The following MEMO1 variants were observed in gnomAD, a reference collection of about 807,000 sequenced individuals.
MEMO1 encodes the protein protein MEMO1.
MEMO1 carries 6 observed loss-of-function variants against 45.2 expected under a neutral mutation model. The observed-to-expected ratio is 0.13, with a 90% CI of 0.07 to 0.26. The LOEUF is 0.26. Ranked by LOEUF, MEMO1 falls within the 10% of genes least tolerant of loss-of-function variation. The pLI, the probability that MEMO1 is intolerant of heterozygous loss-of-function variation, is 1.00. For synonymous variants in MEMO1, 78 were observed against 124.3 expected, an observed-to-expected ratio of 0.63 and a Z score of 2.48; for missense variants, 184 against 370.5, an observed-to-expected ratio of 0.50 and a Z score of 4.13.
rs551440098 is a variant in MEMO1, at chr2:32,009,265, T to C, written c.61+922A>G. Among the ~76,000 whole-genome samples the C allele has an allele frequency of 2.2e-3, 339 of 152,214 alleles. 2 individuals carry two copies. Among genetic ancestry groups the C allele is most frequent in the African/African-American group, 7.9e-3 (330 of 41,532 alleles). On this transcript the variant is annotated intron_variant, in intron 2 of 9. Coordinates refer to ENST00000404530, the MANE Select transcript of MEMO1 (RefSeq NM_001301833.4). ...CACCTGCCTGGTGTAGGGCGACCAG[T>C]GACTGGGGCGACTGCTCGGGAAAAG...
At chr2:31,912,635 CA>C (rs574888728) in intron 6 of MEMO1, among the ~76,000 whole-genome samples, 16 of 149,570 alleles carry the variant, frequency 1.1e-4, no homozygotes, top group South Asian at 2.1e-4. Context: ...TTAATATATG[CA>C]AAAAAACAGA....
chr2:31,923,877 G>C (rs952429177), intron 4 of MEMO1: 2 of 1,055,260 alleles, frequency 1.9e-6, no homozygotes, highest in Admixed American at 7.0e-5. Context: ...CCAGAGGTCT[G>C]CTGGAAGCCT....
At chr2:32,000,734 C>A (rs1673196985) in intron 2 of MEMO1, among the ~76,000 whole-genome samples, 1 of 152,104 alleles carries the variant, frequency 6.6e-6, no homozygotes. Context: ...ATTCCCTATG[C>A]ACCAGCTGTG....
intron 2 of MEMO1, among the ~76,000 whole-genome samples, chr2:32,006,264 T>C (rs779569236): frequency 2.6e-5 from 4 of 152,184 alleles, no homozygotes; most frequent in Admixed American, 6.5e-5. Context: ...TTTAAAGGGA[T>C]AGGACTGGCA....
At chr2:31,958,659 C>T (rs571419455) in intron 2 of MEMO1, among the ~76,000 whole-genome samples, 2 of 152,102 alleles carry the variant, frequency 1.3e-5, no homozygotes, top group South Asian at 2.1e-4. Flanking sequence ...TGTTTTGTTT[C>T]ATTTTGTTTT....
intron 2 of MEMO1, among the ~76,000 whole-genome samples, chr2:31,983,640 G>A (rs1670925593): frequency 6.6e-6 from 1 of 152,086 alleles, no homozygotes. Flanking sequence ...CTCCATGTTG[G>A]TCAGGCTGGT....
intron 2 of MEMO1, among the ~76,000 whole-genome samples, chr2:31,974,461 T>C (rs1336772135): frequency 6.6e-6 from 1 of 152,130 alleles, no homozygotes; most frequent in African/African-American, 2.4e-5. Flanking sequence ...ATTAAAACAT[T>C]TGCGGCCGGG....
At chr2:31,969,273 A>C (rs1225012563) in intron 2 of MEMO1, among the ~76,000 whole-genome samples, 1 of 151,186 alleles carries the variant, frequency 6.6e-6, no homozygotes, top group Non-Finnish European at 1.5e-5. Context: ...CTATATATAT[A>C]TATATATCCT....
At chr2:31,940,253 G>A (rs1307121765) in intron 3 of MEMO1, among the ~76,000 whole-genome samples, 2 of 152,114 alleles carry the variant, frequency 1.3e-5, no homozygotes, top group African/African-American at 4.8e-5. Context: ...TACCCTCTGT[G>A]ATTATATATA....
intron 4 of MEMO1, among the ~76,000 whole-genome samples, chr2:31,923,236 T>A (rs1470548850): frequency 1.3e-5 from 2 of 152,208 alleles, no homozygotes; most frequent in Non-Finnish European, 1.5e-5. Context: ...TATGAGAATT[T>A]TTTCATATGC....
intron 5 of MEMO1, among the ~76,000 whole-genome samples, chr2:31,919,949 C>CAT (rs1491485675): frequency 2.1e-5 from 3 of 145,208 alleles, no homozygotes; most frequent in Non-Finnish European, 4.6e-5. Flanking sequence ...CACACATACA[C>CAT]GTGTGTGTGT....
At chr2:32,008,438 G>C (rs1383307925) in intron 2 of MEMO1, among the ~76,000 whole-genome samples, 2 of 152,214 alleles carry the variant, frequency 1.3e-5, no homozygotes, top group Non-Finnish European at 2.9e-5. Flanking sequence ...CAAAAAATTA[G>C]CTGGGCGTGG....
intron 3 of MEMO1, 48 bp from the exon 4 acceptor site, chr2:31,932,183 G>A: frequency 6.6e-7 from 1 of 1,526,204 alleles, no homozygotes; most frequent in Non-Finnish European, 9.1e-7. Flanking sequence ...TCAAAATCAA[G>A]ATATTCTAGA....
chr2:31,878,853 C>T (rs1212901873), intron 8 of MEMO1, among the ~76,000 whole-genome samples: 2 of 152,168 alleles, frequency 1.3e-5, no homozygotes, highest in Non-Finnish European at 2.9e-5. Context: ...TTATATTTCA[C>T]ATATATGCAG....
chr2:31,940,998 T>G (rs1665549144), intron 3 of MEMO1, among the ~76,000 whole-genome samples: 2 of 152,240 alleles, frequency 1.3e-5, no homozygotes, highest in Non-Finnish European at 2.9e-5. Flanking sequence ...TAAACTGGAC[T>G]CCCTGTTCCC....
intron 4 of MEMO1, among the ~76,000 whole-genome samples, chr2:31,931,096 C>T (rs1226089893): frequency 6.6e-6 from 1 of 152,030 alleles, no homozygotes; most frequent in Non-Finnish European, 1.5e-5. Context: ...TAGCCAAAAC[C>T]TCACCAATTT....
intron 6 of MEMO1, among the ~76,000 whole-genome samples, chr2:31,895,949 C>T (rs1195081707): frequency 6.7e-6 from 1 of 150,318 alleles, no homozygotes; most frequent in Non-Finnish European, 1.5e-5. Context: ...GTTCACACCA[C>T]TCTCCTGCCT....
intron 2 of MEMO1, among the ~76,000 whole-genome samples, chr2:31,982,976 C>T (rs950858622): frequency 2.6e-5 from 4 of 151,544 alleles, no homozygotes; most frequent in East Asian, 3.9e-4. Flanking sequence ...CAGTGGCTCA[C>T]GCCTGTAATC....
At chr2:31,927,665 T>C (rs1350354342) in intron 4 of MEMO1, among the ~76,000 whole-genome samples, 1 of 149,884 alleles carries the variant, frequency 6.7e-6, no homozygotes, top group Non-Finnish European at 1.5e-5. Flanking sequence ...AGTAAAGCAA[T>C]GCCACTTTTC....
Sources: gnomAD v4.1 joint callset for allele counts (sites outside exome capture counted in the v4.1 genomes callset) on GRCh38, gnomAD v4.1.1 for gene constraint, MANE v1.5 for transcripts, NCBI Gene and HGNC (gene_info 2026-07-23, HGNC 2026-07-21) for gene names.